The following SNRPC variants were observed in gnomAD, a reference collection of about 807,000 sequenced individuals.
SNRPC encodes the protein small nuclear ribonucleoprotein polypeptide C.
In SNRPC, 5 loss-of-function variants were observed where a neutral mutation model predicts 20.0. That is an observed-to-expected ratio of 0.25 (90% CI 0.13 to 0.53). The LOEUF (loss-of-function observed/expected upper bound fraction) is 0.53. SNRPC is among the 20% of genes least tolerant of loss of function. The pLI is 0.96. For synonymous variants in SNRPC, 61 were observed against 58.7 expected (o/e 1.04, Z -0.18); for missense variants, 112 against 224.1 (o/e 0.50, Z 3.19).
At chr6:34,767,776 A>C in intron 3 of SNRPC, 132 bp from the exon 4 acceptor site, 1 of 890,068 alleles carries the variant, frequency 1.1e-6, no homozygotes, top group Non-Finnish European at 1.6e-6. Context: ...ATGATGTAAT[A>C]ATTTTAGATG....
Position 34,773,629 on chromosome 6 carries a change from G to T in SNRPC, c.*59G>T. On this transcript the variant is annotated 3_prime_UTR_variant, in exon 6 of 6. Transcript: ENST00000244520. The surrounding 1 kb of genome is among the most constrained non-coding windows in gnomAD (Gnocchi z 4.1). The stretch of plus-strand genomic sequence containing the variant: ...TATTACCTGTTCTGCTTCACCAGGA[G>T]ATCATGCTGCTGTGATACTGAGTTT... 6.6e-7 allele frequency: 1 copy of T among 1,507,964 alleles called. No homozygotes were observed. The highest frequency in any genetic ancestry group is 9.2e-7 in the Non-Finnish European group (1 of 1,092,622). The allele number at this position is 1,507,964 out of a possible 1,614,324, so 93.4% of individuals were successfully genotyped here.
intron 1 of SNRPC, 115 bp from the exon 2 acceptor site, chr6:34,757,797 G>A (rs778889271): frequency 8.1e-6 from 13 of 1,599,354 alleles, no homozygotes; most frequent in Admixed American, 1.8e-5. Flanking sequence ...GTCGTGAGGC[G>A]GTCTGGCTTT....
At chr6:34,766,335 G>A (rs141434816) in intron 3 of SNRPC, among the ~76,000 whole-genome samples, 32 of 152,062 alleles carry the variant, frequency 2.1e-4, no homozygotes, top group African/African-American at 7.2e-4. Context: ...CAAGTAGCTG[G>A]GACTACAGGT....
chr6:34,763,871 C>T (rs1205295587), intron 3 of SNRPC, among the ~76,000 whole-genome samples: 10 of 149,782 alleles, frequency 6.7e-5, no homozygotes, highest in Admixed American at 4.0e-4. Context: ...CGCATGCCAC[C>T]GTGCCTAGCC....
At chr6:34,762,896 G>C (rs1764556226) in intron 3 of SNRPC, among the ~76,000 whole-genome samples, 193 bp downstream of exon 3, 1 of 152,210 alleles carries the variant, frequency 6.6e-6, no homozygotes, top group Admixed American at 6.5e-5. Flanking sequence ...ATTGAGGATA[G>C]AGCAGTCAGA....
chr6:34,761,148 C>CT (rs897659246), intron 2 of SNRPC, among the ~76,000 whole-genome samples: 21 of 149,952 alleles, frequency 1.4e-4, no homozygotes, highest in African/African-American at 3.7e-4. Flanking sequence ...ATGTTTTTGT[C>CT]TTTTTTTTTG....
chr6:34,766,239 C>CA (rs1168837804), intron 3 of SNRPC, among the ~76,000 whole-genome samples: 1 of 151,740 alleles, frequency 6.6e-6, no homozygotes, highest in Non-Finnish European at 1.5e-5. Context: ...CTTACTCTGT[C>CA]ACCCAGGCTG....
rs34427075 is a variant in SNRPC, at chr6:34,762,618, C to T, written c.75C>T (p.Cys25=). 18,627 of 1,589,536 alleles carry T rather than the reference C, an allele frequency of 0.012. 134 individuals are homozygous for T. The highest frequency in any genetic ancestry group is 0.014 in the Non-Finnish European group (16,651 of 1,157,594). The part of the protein sequence containing the change: ...HDSPSVRKTH[C]SGRKHKENVK... ...AGCCATCTGTGAGAAAGACACACTGCAGTGGAAGGAAACACAAAGAGAATG... is the reference window on the plus strand; with the variant it reads ...AGCCATCTGTGAGAAAGACACACTGTAGTGGAAGGAAACACAAAGAGAATG... The change falls in exon 3 of 6, where the codon TGC becomes TGT. Residue 25 remains cysteine (C), a synonymous_variant. Transcript: ENST00000244520.
intron 2 of SNRPC, among the ~76,000 whole-genome samples, chr6:34,760,668 A>T (rs1417168916): frequency 6.6e-6 from 1 of 152,092 alleles, no homozygotes; most frequent in Admixed American, 6.6e-5. Flanking sequence ...AATGTCATGA[A>T]CCCTTGTTCC....
intron 3 of SNRPC, among the ~76,000 whole-genome samples, chr6:34,767,575 C>T (rs552765189): frequency 6.6e-5 from 10 of 152,330 alleles, no homozygotes; most frequent in Admixed American, 3.3e-4. Context: ...GGTTGTGTCC[C>T]TGCACTCCAA....
At chr6:34,757,755 T>G in intron 1 of SNRPC, 157 bp from the exon 2 acceptor site, 1 of 1,553,650 alleles carries the variant, frequency 6.4e-7, no homozygotes, top group Non-Finnish European at 8.7e-7. Flanking sequence ...AAAAAAAGCC[T>G]GGTTTATGTG....
At chr6:34,767,404 T>G (rs1764627335) in intron 3 of SNRPC, among the ~76,000 whole-genome samples, 1 of 152,232 alleles carries the variant, frequency 6.6e-6, no homozygotes, top group African/African-American at 2.4e-5. Flanking sequence ...GTGGATTGCG[T>G]GGACTCAGGA....
intron 2 of SNRPC, among the ~76,000 whole-genome samples, 183 bp downstream of exon 2, chr6:34,758,137 A>G (rs1764478374): frequency 6.6e-6 from 1 of 152,152 alleles, no homozygotes; most frequent in Non-Finnish European, 1.5e-5. Context: ...AAAACTGCTT[A>G]ACAAGTCAGG....
At chr6:34,769,590 A>C (rs1764660542) in intron 4 of SNRPC, among the ~76,000 whole-genome samples, 1 of 152,186 alleles carries the variant, frequency 6.6e-6, no homozygotes, top group Non-Finnish European at 1.5e-5. Flanking sequence ...ATTTTCAAAG[A>C]ATCTTTTAAA....
intron 2 of SNRPC, among the ~76,000 whole-genome samples, chr6:34,760,813 A>C (rs1473551192): frequency 6.6e-6 from 1 of 152,018 alleles, no homozygotes; most frequent in Non-Finnish European, 1.5e-5. Context: ...CTAGGAGGCC[A>C]AGGTGGGCAG....
chr6:34,768,916 C>CTGGGAGGGG (rs753085153), intron 4 of SNRPC, among the ~76,000 whole-genome samples: 10 of 152,088 alleles, frequency 6.6e-5, no homozygotes, highest in Non-Finnish European at 1.3e-4. Flanking sequence ...TGTAGCTCTC[C>CTGGGAGGGG]TGGGAGGGGT....
At chr6:34,766,555 A>C (rs933576089) in intron 3 of SNRPC, among the ~76,000 whole-genome samples, 2 of 152,204 alleles carry the variant, frequency 1.3e-5, no homozygotes, top group African/African-American at 4.8e-5. Flanking sequence ...TTTTTAGTGG[A>C]GGACTTTTTG....
chr6:34,772,894 A>G (rs1764707469), intron 5 of SNRPC: 1 of 152,238 alleles, frequency 6.6e-6, no homozygotes, highest in Non-Finnish European at 1.5e-5. Context: ...TAATTGTTAT[A>G]AATCACGTTA....
intron 2 of SNRPC, among the ~76,000 whole-genome samples, chr6:34,761,560 G>A (rs145761034): frequency 3.3e-5 from 4 of 122,594 alleles, no homozygotes; most frequent in East Asian, 2.3e-4. Flanking sequence ...TCTCTGTGTC[G>A]CCCAGGTTGG....
Sources: allele counts gnomAD v4.1 joint callset (sites outside exome capture counted in the v4.1 genomes callset), GRCh38; gene constraint gnomAD v4.1.1; non-coding constraint Gnocchi (gnomAD v3.1); transcripts MANE v1.5; gene names NCBI Gene and HGNC (gene_info 2026-07-23, HGNC 2026-07-21).